The following BRWD1 variants were observed in gnomAD, a reference collection of about 807,000 sequenced individuals.
BRWD1 encodes the protein bromodomain and WD repeat-containing protein 1.
BRWD1 carries 82 observed loss-of-function variants against 251.2 expected under a neutral mutation model. The observed-to-expected ratio is 0.33, with a 90% CI of 0.27 to 0.39. The LOEUF (loss-of-function observed/expected upper bound fraction) is 0.39. Among genes scored for constraint, BRWD1 ranks in the 10% least tolerant of loss-of-function variants. The pLI, the probability that BRWD1 is intolerant of heterozygous loss-of-function variation, is 1.00. For missense variants in BRWD1, 2,233 were observed against 2,711.6 expected, an observed-to-expected ratio of 0.82 and a Z score of 3.92; for synonymous variants, 918 against 902.8, an observed-to-expected ratio of 1.02 and a Z score of -0.30.
chr21:39,291,139 G>A (rs901091615), intron 8 of BRWD1, among the ~76,000 whole-genome samples: 2 of 152,124 alleles, frequency 1.3e-5, no homozygotes, highest in African/African-American at 4.8e-5. Flanking sequence ...CGCTATCTCA[G>A]TTATAACTAT....
Position 39,189,979 on chromosome 21 carries a change from G to C in BRWD1, c.*6280C>G, listed in dbSNP as rs2031461315. The C allele has an allele frequency of 2.0e-6, 2 of 985,196 alleles. No homozygotes were observed. The highest frequency in any genetic ancestry group is 9.4e-5 in the South Asian group (2 of 21,290). The allele number at this position is 985,196 out of a possible 1,614,324, so 61.0% of individuals were successfully genotyped here. A position where few individuals can be genotyped will look rare whatever the true frequency, so the allele number is the denominator to read the frequency against. On this transcript the variant is annotated 3_prime_UTR_variant, in exon 41 of 41. Coordinates refer to ENST00000342449, the MANE Select transcript of BRWD1 (RefSeq NM_033656.4). Reference sequence around the variant, plus strand: ...GTTTACAAAGTCATTGAGTGCTTGAGGACTTGTTTTCCTGGAAGTGATTCC... The same window carrying C: ...GTTTACAAAGTCATTGAGTGCTTGACGACTTGTTTTCCTGGAAGTGATTCC...
intron 19 of BRWD1, among the ~76,000 whole-genome samples, chr21:39,253,531 G>T (rs989998857): frequency 6.6e-6 from 1 of 151,922 alleles, no homozygotes; most frequent in Non-Finnish European, 1.5e-5. Context: ...GACACTTTTG[G>T]TTCTGATGAC....
Position 39,280,161 on chromosome 21 carries a change from A to G in BRWD1, c.919T>C (p.Ser307Pro), listed in dbSNP as rs1161982043. Residue 307 changes from serine (S) to proline (P), a missense_variant, in exon 9 of 41, where the codon TCC (serine) becomes CCC (proline). By Grantham distance (74) the Ser-to-Pro change is moderately conservative. Coordinates refer to ENST00000342449, the MANE Select transcript of BRWD1 (RefSeq NM_033656.4). ...TVCFWQWDLE[S>P]LKFSPRPLKF... is the part of the protein sequence containing the mutation. ...AAAGCCACTTACCTAAATTTTAAGG[A>G]TTCTAAATCCCATTGCCAAAAGCAA... 5 of 1,600,670 alleles carry G rather than the reference A, an allele frequency of 3.1e-6. No homozygotes were observed. Among genetic ancestry groups the G allele is most frequent in the Non-Finnish European group, 4.3e-6 (5 of 1,175,802 alleles).
chr21:39,277,960 C>G (rs915920337), intron 10 of BRWD1, among the ~76,000 whole-genome samples: 1 of 152,020 alleles, frequency 6.6e-6, no homozygotes, highest in Non-Finnish European at 1.5e-5. Flanking sequence ...GCAATACTCC[C>G]ACCTAGTCTC....
chr21:39,313,551 G>A lies in BRWD1; in HGVS notation c.-60C>T, dbSNP rs1218754406. On this transcript the variant is annotated 5_prime_UTR_variant, in exon 1 of 41. Transcript: ENST00000342449. ...GCGAGCGGAGCGTGTAGGCCGCGCCGAGGCCTGACCGGGCTGGCGTCCCCT... is the reference window on the plus strand; with the variant it reads ...GCGAGCGGAGCGTGTAGGCCGCGCCAAGGCCTGACCGGGCTGGCGTCCCCT... The A allele has an allele frequency of 3.1e-6, 4 of 1,278,954 alleles. No individual in the cohort carries two copies. The highest frequency in any genetic ancestry group is 4.0e-6 in the Non-Finnish European group (4 of 1,011,796). 79.2% of individuals were successfully genotyped at this position (1,278,954 alleles called of 1,614,324 possible).
chr21:39,218,407 A>G, intron 30 of BRWD1, 98 bp downstream of exon 30: 1 of 1,427,648 alleles, frequency 7.0e-7, no homozygotes, highest in Non-Finnish European at 9.4e-7. Flanking sequence ...TACAAAGTGT[A>G]GAAAAGAACA....
At position 39,188,791 on chromosome 21, in the gene BRWD1, A is replaced by C. The variant is rs914791160; in HGVS notation, c.*7468T>G. 1.7e-5 allele frequency: 17 copies of C among 985,322 alleles called. No homozygotes were observed. Among genetic ancestry groups the C allele is most frequent in the South Asian group, 9.4e-5 (2 of 21,294 alleles). The allele number at this position is 985,322 out of a possible 1,614,324, so 61.0% of individuals were successfully genotyped here. A position where few individuals can be genotyped will look rare whatever the true frequency, so the allele number is the denominator to read the frequency against. Reference sequence around the variant, plus strand: ...TTCAAAGCAACCCCACCACATACACATCAGTTCCTTTTGCCAACTAACTTA... The same window carrying C: ...TTCAAAGCAACCCCACCACATACACCTCAGTTCCTTTTGCCAACTAACTTA... On this transcript the variant is annotated 3_prime_UTR_variant, in exon 41 of 41. Transcript: ENST00000342449.
At chr21:39,310,644 G>GA (rs1440047903) in intron 4 of BRWD1, among the ~76,000 whole-genome samples, 5 of 152,082 alleles carry the variant, frequency 3.3e-5, no homozygotes, top group Non-Finnish European at 5.9e-5. Context: ...ATGATATACA[G>GA]CGGTGCATTA....
intron 9 of BRWD1, among the ~76,000 whole-genome samples, chr21:39,279,283 C>A (rs961212607): frequency 6.6e-6 from 1 of 152,108 alleles, no homozygotes; most frequent in East Asian, 1.9e-4. Context: ...AATATTTTAT[C>A]TATATTTGGA....
intron 38 of BRWD1, among the ~76,000 whole-genome samples, chr21:39,201,215 TA>T (rs1468149253): frequency 2.6e-5 from 4 of 152,150 alleles, no homozygotes; most frequent in African/African-American, 4.8e-5. Context: ...CTGGCTGTGA[TA>T]CCAAAATACT....
chr21:39,232,478 T>C lies in BRWD1; in HGVS notation c.2787A>G (p.Pro929=). Residue 929 remains proline, a synonymous_variant, in exon 24 of 41, where the codon CCA becomes CCG. Coordinates refer to ENST00000342449, the MANE Select transcript of BRWD1 (RefSeq NM_033656.4). ...PKKENLRRMT[P]AELANMEHLY... ...AATGCTCCATATTTGCAAGCTCTGC[T>C]GGAGTCATCCTCCGCAAATTCTACC... 1 of 1,590,176 alleles carries C rather than the reference T, an allele frequency of 6.3e-7. No homozygotes were observed.
chr21:39,252,099 T>G (rs1601388309), intron 19 of BRWD1, among the ~76,000 whole-genome samples: 1 of 151,938 alleles, frequency 6.6e-6, no homozygotes, highest in East Asian at 1.9e-4. Flanking sequence ...AAACCCCGTC[T>G]CTACTAAAAA....
chr21:39,286,743 T>C (rs1227805472), intron 8 of BRWD1, among the ~76,000 whole-genome samples: 1 of 151,896 alleles, frequency 6.6e-6, no homozygotes, highest in African/African-American at 2.4e-5. Context: ...CTGAAACTCC[T>C]GACCTCGTGA....
chr21:39,192,113 GA>G lies in BRWD1; in HGVS notation c.*4145del. 1 of 984,982 alleles carries G rather than the reference GA, an allele frequency of 1.0e-6. No individual in the cohort carries two copies. Among genetic ancestry groups the G allele is most frequent in the Non-Finnish European group, 1.2e-6 (1 of 829,668 alleles). The allele number at this position is 984,982 out of a possible 1,614,324, so 61.0% of individuals were successfully genotyped here. Reference sequence around the variant, plus strand: ...TTCTACCAATTTAACAATATATTAGGAACCAGCTTGGCAGATTATGAAAAAG... The same window carrying G: ...TTCTACCAATTTAACAATATATTAGGACCAGCTTGGCAGATTATGAAAAAG... On this transcript the variant is annotated 3_prime_UTR_variant, in exon 41 of 41. Transcript: ENST00000342449.
At chr21:39,223,860 G>A (rs1305156761) in intron 29 of BRWD1, among the ~76,000 whole-genome samples, 1 of 152,044 alleles carries the variant, frequency 6.6e-6, no homozygotes, top group African/African-American at 2.4e-5. Context: ...TTTTTGTTTT[G>A]TTTTTCTGAG....
intron 36 of BRWD1, among the ~76,000 whole-genome samples, chr21:39,209,107 G>A (rs777498202): frequency 4.6e-5 from 7 of 152,032 alleles, no homozygotes; most frequent in Non-Finnish European, 8.8e-5. Flanking sequence ...TGCAAAGAAT[G>A]AGCCTGCTGA....
chr21:39,258,003 G>C (rs780305699), intron 18 of BRWD1, among the ~76,000 whole-genome samples: 4 of 152,136 alleles, frequency 2.6e-5, no homozygotes, highest in Admixed American at 6.5e-5. Context: ...TATTGGACTA[G>C]AAACAAAGTA....
chr21:39,241,521 A>C (rs2034000356), intron 21 of BRWD1, among the ~76,000 whole-genome samples: 1 of 148,550 alleles, frequency 6.7e-6, no homozygotes, highest in South Asian at 2.1e-4. Context: ...AAAAAGATTT[A>C]AAAATCTAAA....
Position 39,192,552 on chromosome 21 carries a change from A to G in BRWD1, c.*3707T>C, listed in dbSNP as rs192820029. 7 of 984,296 alleles carry G rather than the reference A, an allele frequency of 7.1e-6. No homozygotes were observed. Among genetic ancestry groups the G allele is most frequent in the Non-Finnish European group, 8.4e-6 (7 of 828,938 alleles). The allele number at this position is 984,296 out of a possible 1,614,324, so 61.0% of individuals were successfully genotyped here. A position where few individuals can be genotyped will look rare whatever the true frequency, so the allele number is the denominator to read the frequency against. The stretch of plus-strand genomic sequence containing the variant: ...TTGTTGCACTCTATCACATTAAAAT[A>G]ATTGAACTATAATTTCCATACAACA... On this transcript the variant is annotated 3_prime_UTR_variant, in exon 41 of 41. Transcript: ENST00000342449.
Sources: allele counts gnomAD v4.1 joint callset (sites outside exome capture counted in the v4.1 genomes callset), GRCh38; gene constraint gnomAD v4.1.1; transcripts MANE v1.5; gene names NCBI Gene and HGNC (gene_info 2026-07-23, HGNC 2026-07-21).